Variants in GNA12 observed in about 807,000 individuals in gnomAD.
GNA12 encodes G protein subunit alpha 12.
A neutral mutation model predicts 26.0 loss-of-function variants in GNA12; 9 were observed. That is an observed-to-expected ratio of 0.35 (90% confidence interval 0.21 to 0.60). GNA12 has a LOEUF of 0.60. Among genes scored for constraint, GNA12 ranks in the 20% least tolerant of loss-of-function variants. The probability of loss-of-function intolerance (pLI) is 0.78; values close to 1 mark genes in which losing one functional copy is unlikely to be tolerated. For synonymous variants in GNA12, 264 were observed against 219.6 expected, an observed-to-expected ratio of 1.20 and a Z score of -1.79; for missense variants, 405 against 525.8, an observed-to-expected ratio of 0.77 and a Z score of 2.25.
At chr7:2,832,992 A>G (rs1778721222) in intron 1 of GNA12, among the ~76,000 whole-genome samples, 1 of 152,240 alleles carries the variant, frequency 6.6e-6, no homozygotes, top group Admixed American at 6.5e-5. Flanking sequence ...CATGTTTTCC[A>G]TTCTGCAAAA....
intron 1 of GNA12, among the ~76,000 whole-genome samples, chr7:2,820,251 T>C (rs532651837): frequency 3.3e-4 from 51 of 152,242 alleles, no homozygotes; most frequent in Middle Eastern, 6.8e-3. Context: ...AAATGTGCAG[T>C]GGCTGCAGGG....
At chr7:2,802,752 A>G (rs1259499914) in intron 1 of GNA12, among the ~76,000 whole-genome samples, 3 of 152,264 alleles carry the variant, frequency 2.0e-5, no homozygotes, top group Non-Finnish European at 4.4e-5. Context: ...AAACGCTGCC[A>G]GAAGTGTAAA....
At chr7:2,751,184 T>G (rs561591310) in intron 2 of GNA12, among the ~76,000 whole-genome samples, 4 of 151,852 alleles carry the variant, frequency 2.6e-5, no homozygotes, top group Admixed American at 6.6e-5. Context: ...GGTCAGGAGT[T>G]CAAGACCTGG....
intron 1 of GNA12, among the ~76,000 whole-genome samples, chr7:2,798,005 G>T (rs1298938005): frequency 6.6e-6 from 1 of 152,096 alleles, no homozygotes; most frequent in South Asian, 2.1e-4. Context: ...ACTTGATAAA[G>T]AACACTGACA....
intron 1 of GNA12, among the ~76,000 whole-genome samples, chr7:2,796,054 G>T (rs550163461): frequency 6.6e-6 from 1 of 151,822 alleles, no homozygotes; most frequent in Admixed American, 6.6e-5. Context: ...TAGTAGAGAG[G>T]GGGGTTCCAC....
At chr7:2,807,900 G>A (rs1008087149) in intron 1 of GNA12, among the ~76,000 whole-genome samples, 2 of 152,160 alleles carry the variant, frequency 1.3e-5, no homozygotes, top group Admixed American at 6.5e-5. Context: ...CAGCCGCTGA[G>A]CTCATGAAAA....
At chr7:2,786,150 G>A (rs896506895) in intron 2 of GNA12, among the ~76,000 whole-genome samples, 37 of 152,172 alleles carry the variant, frequency 2.4e-4, no homozygotes, top group Non-Finnish European at 2.9e-5. Context: ...TGTTACACAT[G>A]TAATACAGTG....
chr7:2,743,986 T>C (rs1262993045), intron 2 of GNA12, among the ~76,000 whole-genome samples: 1 of 152,172 alleles, frequency 6.6e-6, no homozygotes, highest in Non-Finnish European at 1.5e-5. Flanking sequence ...GTACCCACCA[T>C]TGCCGAGACT....
chr7:2,809,253 C>T (rs1187006434), intron 1 of GNA12, among the ~76,000 whole-genome samples: 1 of 152,134 alleles, frequency 6.6e-6, no homozygotes, highest in Non-Finnish European at 1.5e-5. Flanking sequence ...AGAGGCTCTA[C>T]CTGTTGGCAG....
intron 1 of GNA12, chr7:2,835,519 T>C: frequency 2.2e-6 from 1 of 458,646 alleles, no homozygotes. Context: ...GGAGGGAATG[T>C]GGAGACAGGG....
rs911801668 is a variant in GNA12, at chr7:2,729,655, G to A, written c.*1526C>T. 6.6e-5 allele frequency: 10 copies of A among 152,224 alleles called. No homozygotes were observed. Among genetic ancestry groups the A allele is most frequent in the African/African-American group, 9.7e-5 (4 of 41,436 alleles). 9.4% of individuals were successfully genotyped at this position (152,224 alleles called of 1,614,324 possible). On this transcript the variant is annotated 3_prime_UTR_variant, in exon 4 of 4. Transcript: ENST00000275364. ...CCAAGGGTGAGCTGCAGAGGGGCTC[G>A]GGGCTCGGGGCAGCACGGCCTCGGG...
chr7:2,829,064 C>A (rs1174257695), intron 1 of GNA12, among the ~76,000 whole-genome samples: 3 of 144,060 alleles, frequency 2.1e-5, no homozygotes, highest in South Asian at 2.2e-4. Context: ...CAGAGCCAGA[C>A]CCTGTCTCAG....
At chr7:2,835,954 T>C (rs1267722371) in intron 1 of GNA12, 2 of 501,156 alleles carry the variant, frequency 4.0e-6, no homozygotes, top group Non-Finnish European at 7.6e-6. Flanking sequence ...TCAGTGGGTG[T>C]GAGCAGATTT....
Position 2,785,617 on chromosome 7 carries a change from C to T in GNA12, c.525+9311G>A, listed in dbSNP as rs907740308. ...TTATCCTATGAGCTGAAAAGTGATG[C>T]GGTCTTCATGTGTAAGTGTATTGTA... is the stretch of plus-strand genomic sequence containing the variant. On this transcript the variant is annotated intron_variant, in intron 2 of 3. Coordinates refer to ENST00000275364, the MANE Select transcript of GNA12 (RefSeq NM_007353.3). Among the ~76,000 whole-genome samples the T allele has an allele frequency of 7.0e-4, 107 of 152,272 alleles. 1 individual carries two copies. The highest frequency in any genetic ancestry group is 2.1e-4 in the South Asian group (1 of 4,822).
At chr7:2,757,096 T>G (rs1463495988) in intron 2 of GNA12, among the ~76,000 whole-genome samples, 1 of 144,792 alleles carries the variant, frequency 6.9e-6, no homozygotes. Flanking sequence ...AAAAAGGAGG[T>G]GACCTTGGCA....
intron 2 of GNA12, among the ~76,000 whole-genome samples, chr7:2,761,583 G>T (rs1791557817): frequency 6.6e-6 from 1 of 152,160 alleles, no homozygotes; most frequent in Non-Finnish European, 1.5e-5. Context: ...GAATTCCTAG[G>T]ATACAAACAG....
chr7:2,783,635 T>C (rs914958288), intron 2 of GNA12, among the ~76,000 whole-genome samples: 2 of 149,300 alleles, frequency 1.3e-5, no homozygotes, highest in African/African-American at 4.9e-5. Flanking sequence ...TGTCAGTGCT[T>C]AGAGGCTGTA....
At chr7:2,840,405 A>C (rs1778956578) in intron 1 of GNA12, among the ~76,000 whole-genome samples, 1 of 152,214 alleles carries the variant, frequency 6.6e-6, no homozygotes. Flanking sequence ...ATGAAAATTC[A>C]ACACCATATT....
chr7:2,735,789 G>C (rs1007141680), intron 2 of GNA12, among the ~76,000 whole-genome samples: 2 of 152,154 alleles, frequency 1.3e-5, no homozygotes, highest in Non-Finnish European at 2.9e-5. Context: ...TTCATGTCAG[G>C]GCGGCCTCAT....
Sources: allele counts gnomAD v4.1 joint callset (sites outside exome capture counted in the v4.1 genomes callset), GRCh38; gene constraint gnomAD v4.1.1; transcripts MANE v1.5; gene names NCBI Gene and HGNC (gene_info 2026-07-23, HGNC 2026-07-21).